The following RIPOR2 variants were observed in gnomAD, a reference collection of about 807,000 sequenced individuals.
RIPOR2 encodes the protein rho family-interacting cell polarization regulator 2.
Under a neutral mutation model 114.5 loss-of-function variants are expected in RIPOR2, and 39 were observed. That is an observed-to-expected ratio of 0.34 (90% CI 0.26 to 0.44). The LOEUF (loss-of-function observed/expected upper bound fraction) is 0.44. RIPOR2 is among the 20% of genes least tolerant of loss of function. RIPOR2 has a pLI of 1.00. For synonymous variants in RIPOR2, 445 were observed against 484.4 expected (o/e 0.92, Z 1.07); for missense variants, 1,007 against 1,255.1 (o/e 0.80, Z 2.99).
At chr6:24,967,845 G>T (rs6924615) in intron 1 of RIPOR2, among the ~76,000 whole-genome samples, 11,788 of 151,266 alleles carry the variant, frequency 0.078, 979 homozygotes, top group African/African-American at 0.21. Flanking sequence ...CTTGAGTTGT[G>T]ATCAGAGCCC....
chr6:24,850,489 A>G (rs1762780231), intron 10 of RIPOR2, 108 bp downstream of exon 10: 5 of 1,180,098 alleles, frequency 4.2e-6, no homozygotes. Flanking sequence ...TGTGCAGAAA[A>G]GTCTGTGGGA....
intron 19 of RIPOR2, 88 bp from the exon 20 acceptor site, chr6:24,818,713 T>A: frequency 1.4e-6 from 1 of 697,744 alleles, no homozygotes; most frequent in South Asian, 2.4e-5. Flanking sequence ...TGAGATAAAC[T>A]ATAGCATATA....
Position 25,005,738 on chromosome 6 carries a change from T to TATACATAC in RIPOR2, c.76+36112_76+36113insGTATGTAT, listed in dbSNP as rs1554130561. 1.1e-3 allele frequency among the ~76,000 whole-genome samples: 75 copies of TATACATAC among 70,698 alleles called. 9 individuals carry two copies. Among genetic ancestry groups the TATACATAC allele is most frequent in the Non-Finnish European group, 2.1e-3 (64 of 30,024 alleles). 46.4% of individuals were successfully genotyped at this position (70,698 alleles called of 152,430 possible). A position where few individuals can be genotyped will look rare whatever the true frequency, so the allele number is the denominator to read the frequency against. ...ATATATATATATATATATATATATA[T>TATACATAC]ATACATTTACCGATCAAAAGATATG... On this transcript the variant is annotated intron_variant, in intron 1 of 13. Coordinates refer to the RIPOR2 transcript ENST00000510784.
At chr6:24,926,314 A>G (rs1164350069) in intron 1 of RIPOR2, among the ~76,000 whole-genome samples, 1 of 152,192 alleles carries the variant, frequency 6.6e-6, no homozygotes, top group African/African-American at 2.4e-5. Context: ...ACGGTTAAAG[A>G]TATGATTTTC....
intron 1 of RIPOR2, among the ~76,000 whole-genome samples, chr6:24,965,722 T>G (rs1773499165): frequency 2.6e-5 from 4 of 152,176 alleles, no homozygotes; most frequent in Admixed American, 2.0e-4. Flanking sequence ...AAATAAAATC[T>G]AGAAAAAGAA....
intron 16 of RIPOR2, among the ~76,000 whole-genome samples, 171 bp from the exon 17 acceptor site, chr6:24,830,841 A>T (rs188919262): frequency 2.8e-4 from 42 of 152,006 alleles, no homozygotes; most frequent in African/African-American, 9.2e-4. Flanking sequence ...TGAGCTTCCC[A>T]AGTAGCAGGG....
intron 1 of RIPOR2, among the ~76,000 whole-genome samples, chr6:24,971,913 A>G (rs552222701): frequency 6.6e-6 from 1 of 152,300 alleles, no homozygotes; most frequent in Non-Finnish European, 1.5e-5. Context: ...GAGGAGAGTA[A>G]TTGTACCTAC....
At chr6:24,979,283 C>CTTTTTTTTTTTTTTTT (rs60372040) in intron 1 of RIPOR2, among the ~76,000 whole-genome samples, 1 of 99,460 alleles carries the variant, frequency 1.0e-5, no homozygotes, top group African/African-American at 4.1e-5. Context: ...TAGGGAAATT[C>CTTTTTTTTTTTTTTTT]TTTTTTTTTT....
chr6:24,991,717 T>G (rs1248035388), intron 1 of RIPOR2, among the ~76,000 whole-genome samples: 1 of 152,188 alleles, frequency 6.6e-6, no homozygotes, highest in Non-Finnish European at 1.5e-5. Flanking sequence ...AAGTGGCCTC[T>G]GTATCTCCCA....
At chr6:24,873,600 C>T (rs1765422020) in intron 3 of RIPOR2, 44 bp downstream of exon 3, 1 of 1,574,896 alleles carries the variant, frequency 6.3e-7, no homozygotes, top group Non-Finnish European at 8.6e-7. Context: ...TCTCTGACCC[C>T]TTGGGTCTTT....
chr6:25,015,934 T>C (rs1775969813), intron 1 of RIPOR2: 1 of 136,270 alleles, frequency 7.3e-6, no homozygotes, highest in Admixed American at 7.9e-5. Context: ...TAAGGAGTCT[T>C]ACTCTGTCAC....
At chr6:25,035,667 G>A (rs976560400) in intron 1 of RIPOR2, among the ~76,000 whole-genome samples, 19 of 152,146 alleles carry the variant, frequency 1.2e-4, no homozygotes, top group African/African-American at 4.6e-4. Flanking sequence ...TGTGGTCAAG[G>A]CCTGACCCTT....
chr6:24,831,866 T>A (rs1440658444), intron 16 of RIPOR2, among the ~76,000 whole-genome samples: 1 of 152,148 alleles, frequency 6.6e-6, no homozygotes, highest in Non-Finnish European at 1.5e-5. Context: ...CCCAGCAGGG[T>A]CTGGCAGGAT....
intron 1 of RIPOR2, among the ~76,000 whole-genome samples, chr6:24,983,494 C>T (rs6456641): frequency 0.41 from 62,147 of 151,728 alleles, 12,880 homozygotes; most frequent in African/African-American, 0.44. Context: ...CGGTGGCTTA[C>T]GCCTGTAATC....
At chr6:24,947,046 AAG>A (rs1055615067) in intron 1 of RIPOR2, among the ~76,000 whole-genome samples, 1 of 151,982 alleles carries the variant, frequency 6.6e-6, no homozygotes, top group Non-Finnish European at 1.5e-5. Context: ...AGGAGGAAGA[AAG>A]AGAAAACGTG....
At chr6:24,965,723 A>G (rs1773499420) in intron 1 of RIPOR2, among the ~76,000 whole-genome samples, 1 of 152,238 alleles carries the variant, frequency 6.6e-6, no homozygotes, top group East Asian at 1.9e-4. Flanking sequence ...AATAAAATCT[A>G]GAAAAAGAAA....
intron 1 of RIPOR2, among the ~76,000 whole-genome samples, chr6:24,915,527 A>T (rs1439355193): frequency 6.6e-6 from 1 of 151,902 alleles, no homozygotes; most frequent in Admixed American, 6.6e-5. Context: ...ACCACTCCCA[A>T]CTAATTTTTG....
At chr6:24,931,228 GT>G (rs1170192058) in intron 1 of RIPOR2, among the ~76,000 whole-genome samples, 2 of 151,904 alleles carry the variant, frequency 1.3e-5, no homozygotes, top group Non-Finnish European at 2.9e-5. Flanking sequence ...TACTACCTTG[GT>G]TTTGTAAACA....
chr6:24,872,275 G>T (rs1765252799), intron 4 of RIPOR2, among the ~76,000 whole-genome samples: 1 of 152,110 alleles, frequency 6.6e-6, no homozygotes, highest in Non-Finnish European at 1.5e-5. Context: ...AACTTCTCAT[G>T]GTGGTTACTC....
Sources: gnomAD v4.1 joint callset for allele counts (sites outside exome capture counted in the v4.1 genomes callset) on GRCh38, gnomAD v4.1.1 for gene constraint, MANE v1.5 for transcripts, NCBI Gene and HGNC (gene_info 2026-07-23, HGNC 2026-07-21) for gene names.